The following ZNF735 variants were observed in gnomAD, a reference collection of about 807,000 sequenced individuals.
ZNF735 encodes the protein zinc finger protein 735, also known as putative zinc finger protein 735.
A neutral mutation model predicts 13.4 loss-of-function variants in ZNF735; 11 were observed. The observed-to-expected ratio is 0.82, with a 90% CI of 0.52 to 1.36. ZNF735 has a LOEUF of 1.36. Ranked by LOEUF, ZNF735 falls within the 40% of genes most tolerant of loss-of-function variation. ZNF735 has a pLI of 0.00. For missense variants in ZNF735, 500 were observed against 484.6 expected, an observed-to-expected ratio of 1.03 and a Z score of -0.30; for synonymous variants, 171 against 162.6, an observed-to-expected ratio of 1.05 and a Z score of -0.39.
At chr7:64,215,331 T>G (rs1787407209) in intron 3 of ZNF735, among the ~76,000 whole-genome samples, 1 of 152,184 alleles carries the variant, frequency 6.6e-6, no homozygotes, top group East Asian at 1.9e-4. Context: ...GTTCTGGGAT[T>G]ACATGAGTGA....
In ZNF735 at chr7:64,214,309, T is replaced by A. The variant is rs4718037; in HGVS notation, c.262+201T>A. Among the ~76,000 whole-genome samples the A allele has an allele frequency of 7.9e-5, 12 of 152,094 alleles. No homozygotes were observed. In the South Asian group the frequency reaches 1.0e-3, roughly 13 times the overall value. On this transcript the variant is annotated intron_variant, in intron 3 of 3. Coordinates refer to ENST00000429565, the Ensembl canonical transcript of ZNF735. Reference sequence around the variant, plus strand: ...TTCTGCCCCATGCTGTTAAATTCTCTAAGGATTCTACTTTCATTTCAATAA... The same window carrying A: ...TTCTGCCCCATGCTGTTAAATTCTCAAAGGATTCTACTTTCATTTCAATAA...
At chr7:64,218,292 C>T (rs1292029056) in intron 3 of ZNF735, among the ~76,000 whole-genome samples, 1 of 151,494 alleles carries the variant, frequency 6.6e-6, no homozygotes, top group Non-Finnish European at 1.5e-5. Flanking sequence ...CTGGTTGTCT[C>T]GGAGGACTAG....
At chr7:64,211,199 G>A (rs964377032) in intron 1 of ZNF735, among the ~76,000 whole-genome samples, 3 of 152,140 alleles carry the variant, frequency 2.0e-5, no homozygotes, top group African/African-American at 7.2e-5. Flanking sequence ...TATATGCAAT[G>A]CAGAATTCTC....
intron 3 of ZNF735, among the ~76,000 whole-genome samples, chr7:64,215,558 TCTC>T (rs1366670490): frequency 1.3e-5 from 2 of 152,172 alleles, no homozygotes; most frequent in Admixed American, 6.5e-5. Context: ...TTCCTGTTCT[TCTC>T]TTTGTTGCTC....
intron 1 of ZNF735, among the ~76,000 whole-genome samples, chr7:64,211,890 A>AAAAT (rs1054406625): frequency 5.2e-5 from 5 of 96,514 alleles, no homozygotes; most frequent in Admixed American, 9.9e-5. Flanking sequence ...AAAGAAAAAA[A>AAAAT]ATATATATAT....
intron 1 of ZNF735, among the ~76,000 whole-genome samples, chr7:64,211,869 A>G (rs921762924): frequency 2.1e-4 from 25 of 117,894 alleles, no homozygotes; most frequent in African/African-American, 8.1e-4. Flanking sequence ...CCATCTCAAA[A>G]AAAAAAGAAA....
At chr7:64,209,584 GA>G (rs112969733) in intron 1 of ZNF735, among the ~76,000 whole-genome samples, 5,920 of 152,176 alleles carry the variant, frequency 0.039, 182 homozygotes, top group East Asian at 0.16. Context: ...CTTGGCCTCT[GA>G]AAGTGCTGGG....
chr7:64,217,853 A>G (rs1787440895), intron 3 of ZNF735, among the ~76,000 whole-genome samples: 1 of 152,036 alleles, frequency 6.6e-6, no homozygotes, highest in African/African-American at 2.4e-5. Context: ...ATTTGTCCTC[A>G]TTATATCTAC....
chr7:64,207,592 A>G (rs938551230), intron 1 of ZNF735, among the ~76,000 whole-genome samples: 1 of 152,222 alleles, frequency 6.6e-6, no homozygotes, highest in African/African-American at 2.4e-5. Context: ...ATAAGTGGTA[A>G]GAGCTGTGGT....
At chr7:64,217,741 G>T (rs1787439014) in intron 3 of ZNF735, among the ~76,000 whole-genome samples, 1 of 151,598 alleles carries the variant, frequency 6.6e-6, no homozygotes, top group African/African-American at 2.4e-5. Context: ...TGTCTATAAA[G>T]ATTTTTTCTT....
intron 1 of ZNF735, among the ~76,000 whole-genome samples, chr7:64,209,632 C>T (rs566665128): frequency 1.3e-5 from 2 of 152,120 alleles, no homozygotes; most frequent in South Asian, 4.2e-4. Flanking sequence ...GCCTGTTGAA[C>T]TTTTTTTAGT....
intron 1 of ZNF735, among the ~76,000 whole-genome samples, chr7:64,210,879 C>T (rs562885419): frequency 5.3e-4 from 80 of 152,140 alleles, no homozygotes; most frequent in African/African-American, 1.7e-3. Flanking sequence ...AAGGCATATT[C>T]TCAAGATGCA....
chr7:64,209,134 C>A (rs1201775968), intron 1 of ZNF735, among the ~76,000 whole-genome samples: 3 of 151,926 alleles, frequency 2.0e-5, no homozygotes, highest in Non-Finnish European at 4.4e-5. Flanking sequence ...TGAAAAAATG[C>A]CAAACTGTTT....
intron 1 of ZNF735, among the ~76,000 whole-genome samples, chr7:64,212,771 A>T (rs1220253215): frequency 6.6e-6 from 1 of 151,156 alleles, no homozygotes; most frequent in Admixed American, 6.6e-5. Flanking sequence ...AGTCTGGGCA[A>T]CAGAGTGAGA....
chr7:64,220,108 T>C, exon 4 of ZNF735: 1 of 1,613,614 alleles, frequency 6.2e-7, no homozygotes, highest in Non-Finnish European at 8.5e-7. Context: ...AGAGAAACCC[T>C]ACACATGTGA....
chr7:64,214,763 TATA>T (rs1352696424), intron 3 of ZNF735, among the ~76,000 whole-genome samples: 3 of 152,066 alleles, frequency 2.0e-5, no homozygotes, highest in Non-Finnish European at 4.4e-5. Context: ...TGCTGTATTA[TATA>T]ATAATTTCAT....
chr7:64,219,510 A>G lies in ZNF735; in HGVS notation c.459A>G (p.Gln153=), dbSNP rs758894152. The change falls in exon 4 of 4, where the codon CAA becomes CAG. Residue 153 remains glutamine, a synonymous_variant. Coordinates refer to ENST00000429565, the Ensembl canonical transcript of ZNF735. ...TTAACCAATGTTTGTCAAATACCCA[A>G]AACAAAATATTTCAGACTCATAAAT... 4 of 1,609,234 alleles carry G rather than the reference A, an allele frequency of 2.5e-6. No individual in the cohort carries two copies. The South Asian group carries it at 3.3e-5, about 13-fold the overall frequency.
chr7:64,211,909 T>A (rs1398453516), intron 1 of ZNF735, among the ~76,000 whole-genome samples: 4 of 145,432 alleles, frequency 2.8e-5, no homozygotes, highest in South Asian at 2.2e-4. Context: ...ATATATATAT[T>A]TATTTATTTA....
rs573853228 is a variant in ZNF735, at chr7:64,208,950, T to G, written c.39+1709T>G. ...TTCATGGTGTTTATGTAACACATTTTCTTTATCCAGTCTACCACTGAAGAC... is the reference window on the plus strand; with the variant it reads ...TTCATGGTGTTTATGTAACACATTTGCTTTATCCAGTCTACCACTGAAGAC... On this transcript the variant is annotated intron_variant, in intron 1 of 3. Transcript: ENST00000429565. Among the ~76,000 whole-genome samples, 9 of 152,360 alleles carry G rather than the reference T, an allele frequency of 5.9e-5. 1 individual carries two copies. The South Asian group carries it at 1.7e-3, about 28-fold the overall frequency.
Sources: allele counts gnomAD v4.1 joint callset (sites outside exome capture counted in the v4.1 genomes callset), GRCh38; gene constraint gnomAD v4.1.1; transcripts MANE v1.5; gene names NCBI Gene and HGNC (gene_info 2026-07-23, HGNC 2026-07-21).